EHMT1: variants seen among roughly 807,000 people sequenced by gnomAD.
The protein encoded by EHMT1 is histone-lysine N-methyltransferase EHMT1.
Under a neutral mutation model 147.2 loss-of-function variants are expected in EHMT1, and 15 were observed. The observed-to-expected ratio is 0.10, with a 90% CI of 0.07 to 0.16. EHMT1 has a LOEUF of 0.16. Among genes scored for constraint, EHMT1 ranks in the 10% least tolerant of loss-of-function variants. The pLI is 1.00. For synonymous variants in EHMT1, 795 were observed against 709.6 expected (o/e 1.12, Z -1.91); for missense variants, 1,587 against 1,772.4 (o/e 0.90, Z 1.88).
chr9:137,738,780 G>GT (rs1357453171), intron 4 of EHMT1: 1 of 152,204 alleles, frequency 6.6e-6, no homozygotes, highest in Non-Finnish European at 1.5e-5. Context: ...GCCGAATGAA[G>GT]TAAGTCAGCC....
rs1308799594 is a variant in EHMT1, at chr9:137,835,518, G to GT, written c.*568dup. The GT allele has an allele frequency of 6.6e-6, 1 of 152,542 alleles. No homozygotes were observed. Among genetic ancestry groups the GT allele is most frequent in the African/African-American group, 2.4e-5 (1 of 41,446 alleles). 9.4% of individuals were successfully genotyped at this position (152,542 alleles called of 1,614,324 possible). On this transcript the variant is annotated 3_prime_UTR_variant, in exon 27 of 27. Transcript: ENST00000460843. ...ACCACTAACTTTGGAGAAAATGTGG[G>GT]TTTGCTTTTTAAAGGAATCCTATAT...
chr9:137,692,626 A>C (rs10481734), intron 1 of EHMT1, among the ~76,000 whole-genome samples: 33,560 of 151,936 alleles, frequency 0.22, 4,050 homozygotes, highest in Admixed American at 0.33. Flanking sequence ...TTAAAACCAT[A>C]AAAAGTGAGA....
At chr9:137,784,394 G>A in intron 15 of EHMT1, 1 of 1,236,400 alleles carries the variant, frequency 8.1e-7, no homozygotes, top group Non-Finnish European at 1.0e-6. Flanking sequence ...TCAGACCATA[G>A]TGCCAGCCTT....
At chr9:137,645,464 G>A (rs1185488874) in intron 1 of EHMT1, among the ~76,000 whole-genome samples, 1 of 152,222 alleles carries the variant, frequency 6.6e-6, no homozygotes, top group Non-Finnish European at 1.5e-5. Context: ...ACATGAGAAT[G>A]CACATGGCGT....
intron 1 of EHMT1, among the ~76,000 whole-genome samples, chr9:137,702,619 G>A (rs1367663339): frequency 6.6e-6 from 1 of 152,152 alleles, no homozygotes; most frequent in African/African-American, 2.4e-5. Flanking sequence ...AGTGCCTGCT[G>A]CTTTTCTAGG....
chr9:137,763,240 T>G, intron 10 of EHMT1: 1 of 358,992 alleles, frequency 2.8e-6, no homozygotes, highest in East Asian at 6.0e-5. Context: ...CCTCCCTCCT[T>G]TCACCGGGGA....
intron 1 of EHMT1, among the ~76,000 whole-genome samples, chr9:137,648,693 A>T (rs774788174): frequency 3.3e-5 from 5 of 152,164 alleles, no homozygotes; most frequent in Admixed American, 6.6e-5. Context: ...TGGACATCAT[A>T]AACATGTTAG....
rs755116716 is a variant in EHMT1 at position 137,724,963 on chromosome 9, A to G, written c.643-3386A>G. 5.5e-3 allele frequency among the ~76,000 whole-genome samples: 531 copies of G among 96,476 alleles called. 6 individuals are homozygous for G. In the African/African-American group the frequency reaches 0.056, roughly 10 times the overall value. The allele number at this position is 96,476 out of a possible 152,430, so 63.3% of individuals were successfully genotyped here. On this transcript the variant is annotated intron_variant, in intron 3 of 26. Coordinates refer to ENST00000460843, the MANE Select transcript of EHMT1 (RefSeq NM_024757.5). ...TTCGTGGGGCAGGCGTGTGGCATTC[A>G]TGGGGCATTCGTGTGGCAGACGTGT...
chr9:137,761,264 GGTA>G, intron 9 of EHMT1, among the ~76,000 whole-genome samples: 1 of 152,256 alleles, frequency 6.6e-6, no homozygotes, highest in South Asian at 2.1e-4. Flanking sequence ...GCTTCTGAAT[GGTA>G]GAGCTTAAGT....
intron 10 of EHMT1, among the ~76,000 whole-genome samples, chr9:137,774,209 C>G (rs1368668639): frequency 1.3e-5 from 2 of 152,368 alleles, no homozygotes; most frequent in East Asian, 3.9e-4. Flanking sequence ...TCCTGGATAC[C>G]CAGCCCAGAA....
intron 6 of EHMT1, among the ~76,000 whole-genome samples, chr9:137,744,977 G>A (rs780485425): frequency 1.3e-5 from 2 of 152,230 alleles, no homozygotes; most frequent in Non-Finnish European, 2.9e-5. Flanking sequence ...TAGGAGTGAC[G>A]CATTTCATAA....
chr9:137,705,235 C>G (rs1028410005), intron 1 of EHMT1, among the ~76,000 whole-genome samples: 1 of 152,156 alleles, frequency 6.6e-6, no homozygotes, highest in African/African-American at 2.4e-5. Flanking sequence ...TCAAGCAGTC[C>G]TCCTTCCTTG....
At chr9:137,754,953 C>T (rs967203937) in intron 8 of EHMT1, among the ~76,000 whole-genome samples, 3 of 152,196 alleles carry the variant, frequency 2.0e-5, no homozygotes, top group African/African-American at 7.2e-5. Flanking sequence ...GTGCCTCGGT[C>T]AGAGTCCCCT....
At chr9:137,816,216 C>T (rs1316447906) in intron 23 of EHMT1, 154 bp downstream of exon 23, 3 of 715,752 alleles carry the variant, frequency 4.2e-6, no homozygotes, top group Admixed American at 4.1e-5. Context: ...GCCCTTTATC[C>T]TCTAGAAATG....
chr9:137,710,051 A>G (rs755215628), intron 1 of EHMT1, among the ~76,000 whole-genome samples: 2 of 151,696 alleles, frequency 1.3e-5, no homozygotes, highest in Non-Finnish European at 2.9e-5. Flanking sequence ...TATGGACTCC[A>G]TGGTCCTGCT....
At chr9:137,736,799 G>C (rs1203615500) in intron 4 of EHMT1, among the ~76,000 whole-genome samples, 2 of 152,164 alleles carry the variant, frequency 1.3e-5, no homozygotes, top group African/African-American at 4.8e-5. Flanking sequence ...GCCGAGGCAC[G>C]AGAATTACTT....
chr9:137,816,743 C>T (rs1954948383), intron 23 of EHMT1: 1 of 163,940 alleles, frequency 6.1e-6, no homozygotes, highest in East Asian at 1.7e-4. Context: ...TTTTTTGTGA[C>T]CTCGATAAAC....
chr9:137,742,226 T>A (rs1948150695), intron 4 of EHMT1, among the ~76,000 whole-genome samples: 1 of 151,816 alleles, frequency 6.6e-6, no homozygotes, highest in Admixed American at 6.6e-5. Context: ...CCTACCCGCT[T>A]TGGATGGTTC....
At chr9:137,806,037 G>A (rs761466735) in intron 18 of EHMT1, among the ~76,000 whole-genome samples, 9 of 148,624 alleles carry the variant, frequency 6.1e-5, no homozygotes, top group Non-Finnish European at 1.3e-4. Context: ...ATAGCTCACT[G>A]CAACCTCCAC....
Sources: gnomAD v4.1 joint callset for allele counts (sites outside exome capture counted in the v4.1 genomes callset) on GRCh38, gnomAD v4.1.1 for gene constraint, MANE v1.5 for transcripts, NCBI Gene and HGNC (gene_info 2026-07-23, HGNC 2026-07-21) for gene names.